MET: variants seen among roughly 807,000 people sequenced by gnomAD.
MET encodes the protein MET proto-oncogene, receptor tyrosine kinase.
Under a neutral mutation model 133.1 loss-of-function variants are expected in MET, and 48 were observed. That is an observed-to-expected ratio of 0.36 (90% confidence interval 0.29 to 0.46). The LOEUF (loss-of-function observed/expected upper bound fraction) is 0.46, where lower values mean the gene tolerates loss of function less well. Ranked by LOEUF, MET falls within the 20% of genes least tolerant of loss-of-function variation. The pLI is 1.00. For synonymous variants in MET, 628 were observed against 616.5 expected (o/e 1.02, Z -0.28); for missense variants, 1,442 against 1,695.9 (o/e 0.85, Z 2.63).
intron 2 of MET, among the ~76,000 whole-genome samples, chr7:116,713,034 A>T (rs982062864): frequency 6.6e-6 from 1 of 152,182 alleles, no homozygotes; most frequent in Non-Finnish European, 1.5e-5. Context: ...TGAAACTTTC[A>T]TTTGAAGTCC....
intron 2 of MET, among the ~76,000 whole-genome samples, chr7:116,707,859 A>G (rs945888704): frequency 2.6e-5 from 4 of 152,166 alleles, no homozygotes; most frequent in Non-Finnish European, 5.9e-5. Flanking sequence ...TCTTAAGCTA[A>G]TTACATTACC....
intron 3 of MET, among the ~76,000 whole-genome samples, chr7:116,738,888 T>G (rs1793340450): frequency 6.6e-6 from 1 of 152,164 alleles, no homozygotes; most frequent in African/African-American, 2.4e-5. Context: ...GTAGAGGGAG[T>G]GACTATGTAA....
intron 19 of MET, among the ~76,000 whole-genome samples, 169 bp downstream of exon 19, chr7:116,783,638 A>C (rs557719709): frequency 6.6e-6 from 1 of 152,338 alleles, no homozygotes; most frequent in Admixed American, 6.5e-5. Flanking sequence ...TATTTTCATA[A>C]ATTCACTCAT....
Position 116,722,393 on chromosome 7 carries a change from T to C in MET, c.1201-9275T>C, listed in dbSNP as rs1460434937. On this transcript the variant is annotated intron_variant, in intron 2 of 20. Transcript: ENST00000397752. ...TGTGTGTCTCTGCACGTGAGATGGGTTTCCTGAATACAGCACACTGATGGG... is the reference window on the plus strand; with the variant it reads ...TGTGTGTCTCTGCACGTGAGATGGGCTTCCTGAATACAGCACACTGATGGG... Among the ~76,000 whole-genome samples, 4 of 150,434 alleles carry C rather than the reference T, an allele frequency of 2.7e-5. No individual in the cohort carries two copies. In the East Asian group the frequency reaches 7.8e-4, roughly 29 times the overall value.
At chr7:116,787,134 AGCTTAAT>A (rs1030316795) in intron 19 of MET, among the ~76,000 whole-genome samples, 13 of 152,156 alleles carry the variant, frequency 8.5e-5, no homozygotes, top group African/African-American at 2.2e-4. Flanking sequence ...TGCCATGTAG[AGCTTAAT>A]GCCTGGGATT....
chr7:116,769,983 G>A, intron 12 of MET, 192 bp downstream of exon 12: 1 of 779,350 alleles, frequency 1.3e-6, no homozygotes, highest in Non-Finnish European at 2.1e-6. Context: ...AAGCCTGGGA[G>A]GTAGATCTCA....
At chr7:116,688,506 T>C (rs1796656749) in intron 1 of MET, among the ~76,000 whole-genome samples, 1 of 152,234 alleles carries the variant, frequency 6.6e-6, no homozygotes, top group African/African-American at 2.4e-5. Context: ...AATTTATTAA[T>C]GGGACAAAAG....
At chr7:116,788,987 A>G (rs540802344) in intron 19 of MET, among the ~76,000 whole-genome samples, 3 of 152,328 alleles carry the variant, frequency 2.0e-5, no homozygotes, top group African/African-American at 7.2e-5. Flanking sequence ...GTTGTTTCAC[A>G]CTTAATACAA....
chr7:116,698,926 G>A, intron 1 of MET, 145 bp from the exon 2 acceptor site: 1 of 1,130,900 alleles, frequency 8.8e-7, no homozygotes, highest in Non-Finnish European at 1.3e-6. Flanking sequence ...ATCTTTATGT[G>A]AAACTTGCTA....
At chr7:116,792,273 G>A (rs530526963) in intron 19 of MET, among the ~76,000 whole-genome samples, 1 of 152,106 alleles carries the variant, frequency 6.6e-6, no homozygotes, top group Non-Finnish European at 1.5e-5. Context: ...AGTAAAGTTA[G>A]GCCAGATATT....
intron 1 of MET, among the ~76,000 whole-genome samples, chr7:116,684,096 T>C (rs1562874827): frequency 1.3e-5 from 2 of 152,208 alleles, no homozygotes; most frequent in Non-Finnish European, 2.9e-5. Flanking sequence ...TTAACTCAAC[T>C]AATTACTTTT....
intron 2 of MET, among the ~76,000 whole-genome samples, chr7:116,723,878 C>G (rs1456591854): frequency 1.3e-5 from 2 of 152,236 alleles, no homozygotes; most frequent in African/African-American, 2.4e-5. Flanking sequence ...AACCACTGCT[C>G]TCTTCAAAGC....
intron 5 of MET, among the ~76,000 whole-genome samples, chr7:116,748,528 G>C (rs934243821): frequency 6.6e-6 from 1 of 152,168 alleles, no homozygotes; most frequent in Non-Finnish European, 1.5e-5. Flanking sequence ...AAGTGGGAAA[G>C]ACCTAAAATC....
chr7:116,746,923 A>G (rs967069466), intron 5 of MET, among the ~76,000 whole-genome samples: 3 of 152,142 alleles, frequency 2.0e-5, no homozygotes, highest in Non-Finnish European at 4.4e-5. Flanking sequence ...AACTTAAAGT[A>G]TAATAAAAAA....
chr7:116,793,628 G>T (rs1012135004), intron 19 of MET, among the ~76,000 whole-genome samples: 1 of 151,998 alleles, frequency 6.6e-6, no homozygotes, highest in Non-Finnish European at 1.5e-5. Context: ...GCCAGGCGCC[G>T]TGGCTCATGC....
At chr7:116,742,206 G>T (rs985111649) in intron 5 of MET, among the ~76,000 whole-genome samples, 1 of 152,210 alleles carries the variant, frequency 6.6e-6, no homozygotes, top group African/African-American at 2.4e-5. Flanking sequence ...TTTAGTTACG[G>T]TTTGGAGCAA....
intron 2 of MET, among the ~76,000 whole-genome samples, chr7:116,702,948 T>C (rs193189509): frequency 6.6e-6 from 1 of 152,292 alleles, no homozygotes; most frequent in East Asian, 1.9e-4. Context: ...ACTTGCTTGT[T>C]TAGGATCACA....
intron 11 of MET, among the ~76,000 whole-genome samples, chr7:116,765,998 G>A (rs1473172801): frequency 1.3e-5 from 2 of 152,142 alleles, no homozygotes; most frequent in East Asian, 1.9e-4. Flanking sequence ...CTCATTTAAT[G>A]TATACTAAAA....
At chr7:116,754,526 A>G (rs562657118) in intron 5 of MET, among the ~76,000 whole-genome samples, 1 of 152,120 alleles carries the variant, frequency 6.6e-6, no homozygotes, top group East Asian at 1.9e-4. Context: ...TCACTTCAGA[A>G]TGGCCCAAAA....
Sources: gnomAD v4.1 joint callset for allele counts (sites outside exome capture counted in the v4.1 genomes callset) on GRCh38, gnomAD v4.1.1 for gene constraint, MANE v1.5 for transcripts, NCBI Gene and HGNC (gene_info 2026-07-23, HGNC 2026-07-21) for gene names.